The following UNC5D variants were observed in gnomAD, a reference collection of about 807,000 sequenced individuals.
UNC5D encodes the protein unc-5 netrin receptor D.
A neutral mutation model predicts 105.4 loss-of-function variants in UNC5D; 39 were observed. The observed-to-expected ratio is 0.37, with a 90% CI of 0.29 to 0.48. The LOEUF (loss-of-function observed/expected upper bound fraction) is 0.48, where lower values mean the gene tolerates loss of function less well. Among genes scored for constraint, UNC5D ranks in the 20% least tolerant of loss-of-function variants. The pLI, the probability that UNC5D is intolerant of heterozygous loss-of-function variation, is 0.98. For missense variants in UNC5D, 991 were observed against 1,202.4 expected, an observed-to-expected ratio of 0.82 and a Z score of 2.60; for synonymous variants, 452 against 450.4, an observed-to-expected ratio of 1.00 and a Z score of -0.04.
At chr8:35,426,427 T>C (rs1806253970) in intron 1 of UNC5D, among the ~76,000 whole-genome samples, 1 of 152,194 alleles carries the variant, frequency 6.6e-6, no homozygotes, top group Non-Finnish European at 1.5e-5. Context: ...TTCTGAATAA[T>C]CTTGGCATTT....
At chr8:35,402,257 A>G (rs1223410556) in intron 1 of UNC5D, among the ~76,000 whole-genome samples, 1 of 152,190 alleles carries the variant, frequency 6.6e-6, no homozygotes, top group East Asian at 1.9e-4. Context: ...ACAAAGAAAA[A>G]GAGGTTTAAT....
At chr8:35,518,981 C>T (rs947057787) in intron 1 of UNC5D, among the ~76,000 whole-genome samples, 1 of 152,130 alleles carries the variant, frequency 6.6e-6, no homozygotes, top group African/African-American at 2.4e-5. Context: ...AATCCTAGTT[C>T]TATAATTGAA....
chr8:35,612,331 C>A (rs1820737456), intron 4 of UNC5D, among the ~76,000 whole-genome samples: 1 of 151,866 alleles, frequency 6.6e-6, no homozygotes, highest in African/African-American at 2.4e-5. Flanking sequence ...TCACTAGGAG[C>A]AGAATGAAAG....
chr8:35,632,807 C>T (rs1331971592), intron 4 of UNC5D, among the ~76,000 whole-genome samples: 1 of 152,146 alleles, frequency 6.6e-6, no homozygotes, highest in African/African-American at 2.4e-5. Context: ...TAGGCTGGCC[C>T]ACGAGGGTGT....
intron 14 of UNC5D, among the ~76,000 whole-genome samples, chr8:35,761,475 C>T (rs1801528723): frequency 2.6e-5 from 4 of 152,282 alleles, no homozygotes; most frequent in African/African-American, 9.6e-5. Flanking sequence ...AGAGGACCAG[C>T]CAAAGCCAGA....
At chr8:35,530,261 G>A (rs1475381184) in intron 1 of UNC5D, among the ~76,000 whole-genome samples, 14 of 137,582 alleles carry the variant, frequency 1.0e-4, no homozygotes, top group African/African-American at 2.5e-4. Context: ...ATGAAGGGTT[G>A]TTGAATTTTG....
chr8:35,337,561 G>A (rs7827072), intron 1 of UNC5D, among the ~76,000 whole-genome samples: 81,734 of 151,982 alleles, frequency 0.54, 22,838 homozygotes, highest in East Asian at 0.7. Flanking sequence ...TCGAGTTAAG[G>A]GAATATGCCC....
chr8:35,626,499 G>T (rs924785741), intron 4 of UNC5D, among the ~76,000 whole-genome samples: 2 of 152,150 alleles, frequency 1.3e-5, no homozygotes, highest in Non-Finnish European at 2.9e-5. Context: ...GGCTAGAAAT[G>T]AATGAAAATG....
chr8:35,305,601 C>CA (rs71215625), intron 1 of UNC5D, among the ~76,000 whole-genome samples: 59 of 145,648 alleles, frequency 4.1e-4, no homozygotes, highest in African/African-American at 1.3e-3. Flanking sequence ...TTCTTTCTTT[C>CA]TTTCTTTCTT....
At chr8:35,314,844 A>G (rs1206466504) in intron 1 of UNC5D, among the ~76,000 whole-genome samples, 1 of 152,190 alleles carries the variant, frequency 6.6e-6, no homozygotes, top group Admixed American at 6.6e-5. Context: ...ACAGTACAAC[A>G]TGGAAACACT....
At chr8:35,399,474 C>G (rs1246952047) in intron 1 of UNC5D, among the ~76,000 whole-genome samples, 2 of 151,892 alleles carry the variant, frequency 1.3e-5, no homozygotes, top group Non-Finnish European at 2.9e-5. Context: ...TTATTTTGTT[C>G]TGATTCAACT....
intron 4 of UNC5D, among the ~76,000 whole-genome samples, chr8:35,655,489 T>C (rs1305383915): frequency 6.6e-6 from 1 of 152,230 alleles, no homozygotes; most frequent in Non-Finnish European, 1.5e-5. Context: ...AGAATGATAT[T>C]GATCCTTTCT....
Position 35,759,332 on chromosome 8 carries a change from G to T in UNC5D, c.2176G>T (p.Asp726Tyr), listed in dbSNP as rs779633938. The T allele has an allele frequency of 3.7e-6, 6 of 1,613,192 alleles. No homozygotes were observed. The South Asian group carries it at 6.6e-5, about 18-fold the overall frequency. ...TCTTCTCCTATAGGAAGTGGTTTCA[G>T]ATGAAAGGCATCAAGGTGGACAGCT... is the stretch of plus-strand genomic sequence containing the variant. ...TPCAFQEVVS[D>Y]ERHQGGQLLE... Residue 726 changes from aspartate (D) to tyrosine (Y), a missense_variant, in exon 14 of 17, where the codon GAT becomes TAT. Transcript: ENST00000404895.
chr8:35,544,412 T>A (rs2130650394), intron 1 of UNC5D: 4 of 1,459,472 alleles, frequency 2.7e-6, no homozygotes, highest in East Asian at 2.6e-5. Context: ...AGGGATTGTT[T>A]AAAAAAAAAA....
At chr8:35,441,359 C>G (rs568076998) in intron 1 of UNC5D, among the ~76,000 whole-genome samples, 1 of 151,896 alleles carries the variant, frequency 6.6e-6, no homozygotes, top group Admixed American at 6.6e-5. Flanking sequence ...AGTTATTAAT[C>G]TCTTACTGTG....
At chr8:35,707,046 T>C (rs149051748) in intron 8 of UNC5D, among the ~76,000 whole-genome samples, 9 of 152,332 alleles carry the variant, frequency 5.9e-5, no homozygotes, top group African/African-American at 2.2e-4. Flanking sequence ...GCATCTCTCA[T>C]TCTAGTATCA....
At position 35,722,207 on chromosome 8, in the gene UNC5D, C is replaced by T. The variant is rs1392002342; in HGVS notation, c.1118-3C>T. On this transcript the variant is annotated splice_polypyrimidine_tract_variant and splice_region_variant and intron_variant, in intron 8 of 16. Transcript: ENST00000404895. ...CACTTACAATTTCTCTTGTGTCTTT[C>T]AGGCATTGAGAATGCCAGCGACATT... 1.2e-6 allele frequency: 2 copies of T among 1,612,742 alleles called. No individual in the cohort carries two copies. Among genetic ancestry groups the T allele is most frequent in the African/African-American group, 1.3e-5 (1 of 74,998 alleles).
At chr8:35,641,366 C>CAAAAAAAAAAAAAAAAAAATA (rs377021599) in intron 4 of UNC5D, among the ~76,000 whole-genome samples, 2 of 44,292 alleles carry the variant, frequency 4.5e-5, no homozygotes, top group Non-Finnish European at 8.5e-5. Context: ...AAAAATAAAG[C>CAAAAAAAAAAAAAAAAAAATA]AAAAAAAAAA....
intron 4 of UNC5D, among the ~76,000 whole-genome samples, chr8:35,635,443 T>A (rs975023737): frequency 6.6e-6 from 1 of 152,332 alleles, no homozygotes; most frequent in Non-Finnish European, 1.5e-5. Context: ...TCTACTCACC[T>A]ATCCAGGAAA....
Sources: allele counts gnomAD v4.1 joint callset (sites outside exome capture counted in the v4.1 genomes callset), GRCh38; gene constraint gnomAD v4.1.1; transcripts MANE v1.5; gene names NCBI Gene and HGNC (gene_info 2026-07-23, HGNC 2026-07-21).